The following GRK3 variants were observed in gnomAD, a reference collection of about 807,000 sequenced individuals.
GRK3 encodes G protein-coupled receptor kinase 3.
GRK3 carries 54 observed loss-of-function variants against 95.7 expected under a neutral mutation model. That is an observed-to-expected ratio of 0.56 (90% CI 0.45 to 0.71). GRK3 has a LOEUF of 0.71. GRK3 is among the 30% of genes least tolerant of loss of function. The probability of loss-of-function intolerance (pLI) is 0.00; values close to 1 mark genes in which losing one functional copy is unlikely to be tolerated. For synonymous variants in GRK3, 281 were observed against 290.8 expected (o/e 0.97, Z 0.34); for missense variants, 649 against 851.2 (o/e 0.76, Z 2.96).
At chr22:25,590,634 A>C (rs1447918354) in intron 1 of GRK3, among the ~76,000 whole-genome samples, 2 of 152,114 alleles carry the variant, frequency 1.3e-5, no homozygotes, top group Non-Finnish European at 1.5e-5. Flanking sequence ...CTCCTGGCCA[A>C]CATGTTGAAA....
At chr22:25,691,014 G>A (rs1321707458) in intron 12 of GRK3, among the ~76,000 whole-genome samples, 3 of 152,116 alleles carry the variant, frequency 2.0e-5, no homozygotes, top group South Asian at 4.1e-4. Context: ...AGTTGGCCCT[G>A]ACCTGAGGAC....
intron 1 of GRK3, among the ~76,000 whole-genome samples, chr22:25,597,880 T>G (rs958468918): frequency 6.6e-6 from 1 of 152,080 alleles, no homozygotes; most frequent in Non-Finnish European, 1.5e-5. Flanking sequence ...AATAACAATA[T>G]CTTTCAAAAC....
intron 2 of GRK3, among the ~76,000 whole-genome samples, chr22:25,620,830 G>A (rs2084579511): frequency 6.6e-6 from 1 of 152,196 alleles, no homozygotes; most frequent in South Asian, 2.1e-4. Context: ...AATTTGAGTT[G>A]TAGTATTGAG....
chr22:25,657,506 T>G (rs987115115), intron 3 of GRK3, among the ~76,000 whole-genome samples: 6 of 152,212 alleles, frequency 3.9e-5, no homozygotes, highest in African/African-American at 1.4e-4. Context: ...ATGCTTACTA[T>G]TTTCATGAGG....
intron 8 of GRK3, 73 bp downstream of exon 8, chr22:25,674,601 A>G (rs1437075453): frequency 1.1e-5 from 13 of 1,133,492 alleles, no homozygotes; most frequent in East Asian, 2.4e-5. Flanking sequence ...GAAAATTCCT[A>G]TAAAGAAATG....
At chr22:25,650,660 G>A (rs1467661852) in intron 3 of GRK3, among the ~76,000 whole-genome samples, 1 of 152,190 alleles carries the variant, frequency 6.6e-6, no homozygotes, top group Non-Finnish European at 1.5e-5. Context: ...ATGTCATAGA[G>A]TGACAAAATG....
intron 1 of GRK3, chr22:25,580,510 G>A (rs1016545105): frequency 6.6e-6 from 1 of 152,196 alleles, no homozygotes; most frequent in Non-Finnish European, 1.5e-5. Flanking sequence ...AGGCTAAAAC[G>A]ACATGTGGTC....
intron 13 of GRK3, among the ~76,000 whole-genome samples, chr22:25,696,729 G>T (rs564995187): frequency 6.6e-6 from 1 of 152,284 alleles, no homozygotes; most frequent in Admixed American, 6.5e-5. Context: ...CCAAAACTAG[G>T]TTCTGAGCAC....
intron 10 of GRK3, among the ~76,000 whole-genome samples, chr22:25,686,081 G>A (rs1213180156): frequency 2.6e-5 from 4 of 151,786 alleles, no homozygotes; most frequent in Non-Finnish European, 5.9e-5. Flanking sequence ...AATTAGCCGG[G>A]GGTGGTGGTG....
At chr22:25,677,377 T>TGAAAA (rs2085038610) in intron 8 of GRK3, among the ~76,000 whole-genome samples, 2 of 42,554 alleles carry the variant, frequency 4.7e-5, no homozygotes, top group African/African-American at 2.1e-4. Context: ...CCCCATATCT[T>TGAAAA]AAAAAAAAAA....
At chr22:25,614,341 C>T (rs2084521950) in intron 2 of GRK3, among the ~76,000 whole-genome samples, 1 of 152,054 alleles carries the variant, frequency 6.6e-6, no homozygotes, top group East Asian at 1.9e-4. Context: ...GCCATGTTGC[C>T]CAGGCTGATC....
At chr22:25,703,428 T>C in intron 13 of GRK3, 82 bp from the exon 14 acceptor site, 1 of 1,055,392 alleles carries the variant, frequency 9.5e-7, no homozygotes, top group South Asian at 1.4e-5. Context: ...TAGGACATCA[T>C]ACTTTACCCA....
chr22:25,698,053 G>A (rs560966568), intron 13 of GRK3, among the ~76,000 whole-genome samples: 10 of 151,068 alleles, frequency 6.6e-5, no homozygotes, highest in African/African-American at 2.4e-4. Context: ...GGAAGGAAAG[G>A]AGTAAGGAAG....
intron 12 of GRK3, among the ~76,000 whole-genome samples, chr22:25,693,774 C>CTTTTTTTTT (rs542086916): frequency 8.9e-6 from 1 of 112,836 alleles, no homozygotes; most frequent in African/African-American, 3.0e-5. Context: ...GTTAAAAATT[C>CTTTTTTTTT]TTTTTTTTTT....
intron 12 of GRK3, among the ~76,000 whole-genome samples, chr22:25,693,860 ACCTCTGCCTCTG>A (rs1171840761): frequency 2.7e-5 from 4 of 148,484 alleles, no homozygotes; most frequent in African/African-American, 1.0e-4. Flanking sequence ...GCTCACCATA[ACCTCTGCCTCTG>A]CCTCTGCCTC....
intron 5 of GRK3, 77 bp downstream of exon 5, chr22:25,663,781 G>A: frequency 1.0e-6 from 1 of 981,142 alleles, no homozygotes; most frequent in African/African-American, 1.6e-5. Flanking sequence ...TTTTGCATGT[G>A]CAATTACACT....
chr22:25,679,548 A>G (rs1162243689), intron 9 of GRK3, among the ~76,000 whole-genome samples: 1 of 152,178 alleles, frequency 6.6e-6, no homozygotes, highest in Non-Finnish European at 1.5e-5. Context: ...ATAGCTGCCC[A>G]TTCCAATTTC....
intron 18 of GRK3, 35 bp from the exon 19 acceptor site, chr22:25,718,210 G>C: frequency 6.3e-7 from 1 of 1,596,566 alleles, no homozygotes. Flanking sequence ...TTGTTTCAGA[G>C]CCTATTTAAC....
chr22:25,594,958 A>G (rs1601460602), intron 1 of GRK3, among the ~76,000 whole-genome samples: 1 of 152,206 alleles, frequency 6.6e-6, no homozygotes. Flanking sequence ...AAAGCTTTCA[A>G]TAAAATCCAG....
Sources: gnomAD v4.1 joint callset for allele counts (sites outside exome capture counted in the v4.1 genomes callset) on GRCh38, gnomAD v4.1.1 for gene constraint, MANE v1.5 for transcripts, NCBI Gene and HGNC (gene_info 2026-07-23, HGNC 2026-07-21) for gene names.